DNAAF6: variants seen among roughly 807,000 people sequenced by gnomAD.
DNAAF6 encodes PIH1 domain containing 3.
A neutral mutation model predicts 13.7 loss-of-function variants in DNAAF6; 3 were observed. The observed-to-expected ratio is 0.22, with a 90% confidence interval of 0.10 to 0.56. The LOEUF (loss-of-function observed/expected upper bound fraction) is 0.56. DNAAF6 is among the 20% of genes least tolerant of loss of function. DNAAF6 has a pLI of 0.92. For missense variants in DNAAF6, 130 were observed against 151.0 expected (o/e 0.86, Z 0.73); for synonymous variants, 54 against 49.2 (o/e 1.10, Z -0.41).
intron 1 of DNAAF6, among the ~76,000 whole-genome samples, chrX:107,209,390 A>G (rs184960586): frequency 8.9e-6 from 1 of 112,247 alleles, no homozygotes; most frequent in African/African-American, 3.2e-5. Context: ...ACATAGGGAT[A>G]TATCTATTTA....
chrX:107,210,758 A>T (rs948397554), intron 1 of DNAAF6, among the ~76,000 whole-genome samples: 1 of 111,465 alleles, frequency 9.0e-6, no homozygotes, highest in Non-Finnish European at 1.9e-5. Flanking sequence ...GCTACACTGT[A>T]CTATCCAATA....
At chrX:107,210,608 G>T (rs776865213) in intron 1 of DNAAF6, among the ~76,000 whole-genome samples, 2 of 109,396 alleles carry the variant, frequency 1.8e-5, no homozygotes, top group Admixed American at 9.8e-5. Context: ...TTGTAGAGTC[G>T]GGGTTTCGCT....
intron 5 of DNAAF6, among the ~76,000 whole-genome samples, chrX:107,230,188 A>G (rs1165232137): frequency 8.9e-6 from 1 of 111,988 alleles, no homozygotes; most frequent in East Asian, 2.8e-4. Flanking sequence ...TGTCTAATCC[A>G]TCAGCAAGTA....
intron 5 of DNAAF6, among the ~76,000 whole-genome samples, chrX:107,223,228 TC>T (rs1378359466): frequency 1.8e-5 from 2 of 111,508 alleles, no homozygotes; most frequent in Admixed American, 9.6e-5. Flanking sequence ...AGTATCTCCT[TC>T]CCCGCATCTG....
rs371909363 is a variant in DNAAF6, at chrX:107,216,560, G to A, written c.154-111G>A. On this transcript the variant is annotated intron_variant, in intron 2 of 6. Coordinates refer to ENST00000372453, the MANE Select transcript of DNAAF6 (RefSeq NM_173494.2). Reference sequence around the variant, plus strand: ...ATAACAATGATGGGTAATTAAAGTGGAAAGCTCCATGAGTTTTTTTATGGA... The same window carrying A: ...ATAACAATGATGGGTAATTAAAGTGAAAAGCTCCATGAGTTTTTTTATGGA... 12 of 454,211 alleles carry A rather than the reference G, an allele frequency of 2.6e-5. No individual in the cohort carries two copies. In the East Asian group the frequency reaches 4.2e-4, roughly 16 times the overall value. 37.4% of individuals were successfully genotyped at this position (454,211 alleles called of 1,213,427 possible). A position where few individuals can be genotyped will look rare whatever the true frequency, so the allele number is the denominator to read the frequency against.
Position 107,238,980 on chromosome X carries a change from C to A in DNAAF6, c.488C>A (p.Thr163Lys), listed in dbSNP as rs1174134981. 2 of 1,210,135 alleles carry A rather than the reference C, an allele frequency of 1.7e-6. No individual in the cohort carries two copies. The highest frequency in any genetic ancestry group is 2.2e-5 in the Admixed American group (1 of 45,802). ...PSDIQIDIQE[T>K]ILDLRTPQKK... ...GATATTCAAATTGATATCCAGGAAA[C>A]AATCCTTGACCTTCGTACTCCTCAG... is the stretch of plus-strand genomic sequence containing the variant. Residue 163 changes from threonine (T) to lysine (K), a missense_variant, in exon 6 of 7, where the codon ACA becomes AAA. Thr to Lys is a moderately conservative substitution (Grantham distance 78). Coordinates refer to ENST00000372453, the MANE Select transcript of DNAAF6 (RefSeq NM_173494.2).
At chrX:107,238,157 T>G (rs1054190727) in intron 5 of DNAAF6, among the ~76,000 whole-genome samples, 8 of 112,064 alleles carry the variant, frequency 7.1e-5, no homozygotes, top group African/African-American at 2.6e-4. Flanking sequence ...TTCCATTGTA[T>G]GGATACAACA....
chrX:107,243,004 G>C (rs1368740563), intron 6 of DNAAF6, among the ~76,000 whole-genome samples, 165 bp from the exon 7 acceptor site: 1 of 110,174 alleles, frequency 9.1e-6, no homozygotes, highest in South Asian at 3.8e-4. Context: ...CTGGTATACT[G>C]TTTGTGTTAT....
intron 6 of DNAAF6, among the ~76,000 whole-genome samples, chrX:107,241,119 T>C (rs1183071055): frequency 8.9e-6 from 1 of 112,283 alleles, no homozygotes; most frequent in Non-Finnish European, 1.9e-5. Context: ...CAAATAATTT[T>C]GTTAATTATA....
At chrX:107,239,363 CT>C (rs763512150) in intron 6 of DNAAF6, among the ~76,000 whole-genome samples, 1 of 111,733 alleles carries the variant, frequency 8.9e-6, no homozygotes, top group South Asian at 3.7e-4. Context: ...GAAGCAATAT[CT>C]TTATACTTTT....
intron 6 of DNAAF6, among the ~76,000 whole-genome samples, chrX:107,242,137 G>A (rs758218634): frequency 1.8e-4 from 20 of 111,538 alleles, no homozygotes; most frequent in African/African-American, 5.2e-4. Context: ...GTATTCAGGC[G>A]AAGTGTTTTT....
intron 4 of DNAAF6, among the ~76,000 whole-genome samples, chrX:107,221,878 A>T (rs771945968): frequency 9.3e-6 from 1 of 107,185 alleles, no homozygotes; most frequent in South Asian, 4.2e-4. Context: ...CTATCCAGAG[A>T]TCTACAATTT....
rs768372176 is a variant in DNAAF6 at position 107,229,127 on chromosome X, CTTTTTTTTTTTT to C, written c.429+6303_429+6314del. The stretch of plus-strand genomic sequence containing the variant: ...GCAGCATTCCACCCTGTTGACTACT[CTTTTTTTTTTTT>C]TTTTTTTTTTTTTTTTGAGACAGAG... On this transcript the variant is annotated intron_variant, in intron 5 of 6. Transcript: ENST00000372453. Among the ~76,000 whole-genome samples, 19 of 51,598 alleles carry C rather than the reference CTTTTTTTTTTTT, an allele frequency of 3.7e-4. 1 individual carries two copies. In the South Asian group the frequency reaches 0.014, roughly 37 times the overall value. 44.8% of individuals were successfully genotyped at this position (51,598 alleles called of 115,157 possible). A position where few individuals can be genotyped will look rare whatever the true frequency, so the allele number is the denominator to read the frequency against.
chrX:107,207,723 G>C (rs988766505), intron 1 of DNAAF6, among the ~76,000 whole-genome samples: 1 of 111,985 alleles, frequency 8.9e-6, no homozygotes, highest in Non-Finnish European at 1.9e-5. Context: ...CTTGAGGTCA[G>C]GAGTTCGAGA....
chrX:107,218,923 G>A lies in DNAAF6; in HGVS notation c.286G>A (p.Glu96Lys). 2.5e-6 allele frequency: 3 copies of A among 1,193,565 alleles called. No homozygotes were observed. The East Asian group carries it at 9.2e-5, about 37-fold the overall frequency. ...CATCTGGAATTCAGAAGAGATTCCA[G>A]AAGGAGCAGAATATGATGATATGTG... ...EDIWNSEEIP[E>K]GAEYDDMWDV... The change falls in exon 4 of 7, where the codon GAA becomes AAA. Residue 96 changes from glutamate (E) to lysine (K), a missense_variant. Transcript: ENST00000372453.
At position 107,206,916 on chromosome X, in the gene DNAAF6, C is replaced by T. The variant is rs1054187283; in HGVS notation, c.-4+226C>T. Among the ~76,000 whole-genome samples, 3 of 111,880 alleles carry T rather than the reference C, an allele frequency of 2.7e-5. No individual in the cohort carries two copies. In the East Asian group the frequency reaches 8.5e-4, roughly 32 times the overall value. On this transcript the variant is annotated intron_variant, in intron 1 of 6. Coordinates refer to ENST00000372453, the MANE Select transcript of DNAAF6 (RefSeq NM_173494.2). Reference sequence around the variant, plus strand: ...GAAACAGGACGCTGCTTTAACAAAACTCGGTTTTACAGGATGTGAGTGAAA... The same window carrying T: ...GAAACAGGACGCTGCTTTAACAAAATTCGGTTTTACAGGATGTGAGTGAAA...
intron 4 of DNAAF6, among the ~76,000 whole-genome samples, chrX:107,219,229 G>A (rs940172627): frequency 9.0e-6 from 1 of 111,625 alleles, no homozygotes; most frequent in South Asian, 3.7e-4. Flanking sequence ...TATATTTAAT[G>A]TCAATTTGTT....
At chrX:107,232,099 C>T (rs974665633) in intron 5 of DNAAF6, among the ~76,000 whole-genome samples, 2 of 112,092 alleles carry the variant, frequency 1.8e-5, no homozygotes, top group African/African-American at 6.5e-5. Flanking sequence ...GTGAAGTGAT[C>T]CACCCACCTT....
chrX:107,208,864 C>A (rs1927782088), intron 1 of DNAAF6, among the ~76,000 whole-genome samples: 2 of 111,838 alleles, frequency 1.8e-5, no homozygotes, highest in South Asian at 7.4e-4. Context: ...ATTTAGTAAT[C>A]AATAACTATT....
Sources: allele counts gnomAD v4.1 joint callset (sites outside exome capture counted in the v4.1 genomes callset), GRCh38; gene constraint gnomAD v4.1.1; transcripts MANE v1.5; gene names NCBI Gene and HGNC (gene_info 2026-07-23, HGNC 2026-07-21).